Variants in ADAMTS5 observed in about 807,000 individuals in gnomAD.
ADAMTS5 encodes ADAM metallopeptidase with thrombospondin type 1 motif 5, also known as A disintegrin and metalloproteinase with thrombospondin motifs 5.
Under a neutral mutation model 81.4 loss-of-function variants are expected in ADAMTS5, and 54 were observed. The ratio of observed to expected loss-of-function variants is 0.66; its 90% CI spans 0.53 to 0.83. The LOEUF (loss-of-function observed/expected upper bound fraction) is 0.83. ADAMTS5 is among the 40% of genes least tolerant of loss of function. ADAMTS5 has a pLI of 0.00. For missense variants in ADAMTS5, 1,194 were observed against 1,229.9 expected (o/e 0.97, Z 0.44); for synonymous variants, 532 against 508.8 (o/e 1.05, Z -0.61).
At chr21:26,941,499 G>C (rs1389541200) in intron 3 of ADAMTS5, among the ~76,000 whole-genome samples, 1 of 151,954 alleles carries the variant, frequency 6.6e-6, no homozygotes, top group Non-Finnish European at 1.5e-5. Context: ...TTACTGCATA[G>C]AAATTAAGAT....
rs767132424 is a variant in ADAMTS5 at position 26,932,000 on chromosome 21, T to C, written c.2049+4A>G. The stretch of plus-strand genomic sequence containing the variant: ...CTGCTTCTGGACAGTTGGTGTGTAG[T>C]TACCTTTGGAGAAAATACCACATAG... On this transcript the variant is annotated splice_donor_region_variant and intron_variant, in intron 6 of 7. Coordinates refer to ENST00000284987, the MANE Select transcript of ADAMTS5 (RefSeq NM_007038.5). 1 of 1,610,226 alleles carries C rather than the reference T, an allele frequency of 6.2e-7. No homozygotes were observed. The highest frequency in any genetic ancestry group is 8.5e-7 in the Non-Finnish European group (1 of 1,178,064).
chr21:26,934,408 C>G, intron 4 of ADAMTS5, 58 bp downstream of exon 4: 2 of 1,597,868 alleles, frequency 1.3e-6, no homozygotes, highest in Non-Finnish European at 1.7e-6. Context: ...ATACCCATCA[C>G]AAGAATGCAC....
intron 5 of ADAMTS5, 93 bp from the exon 6 acceptor site, chr21:26,932,272 G>A: frequency 7.3e-7 from 1 of 1,377,298 alleles, no homozygotes. Flanking sequence ...AGGGGAAGAT[G>A]CAAACGTGTT....
intron 3 of ADAMTS5, among the ~76,000 whole-genome samples, chr21:26,940,089 A>G (rs1353677093): frequency 6.6e-6 from 1 of 152,238 alleles, no homozygotes; most frequent in Non-Finnish European, 1.5e-5. Context: ...GACGAGTGCT[A>G]CAAATGTCCA....
At position 26,924,182 on chromosome 21, in the gene ADAMTS5, A is replaced by C. The variant is rs55716702; in HGVS notation, c.2664T>G (p.Ser888=). Residue 888 remains serine (S), a synonymous_variant, in exon 8 of 8, where the codon TCT becomes TCG. Transcript: ENST00000284987. ...TGTGCCAACCTGTGTCACAGGTCCT[A>C]GAGCAGGCGAGCCATGGGCCCGTGA... ...QWVTGPWLAC[S]RTCDTGWHTR... 267 of 1,614,106 alleles carry C rather than the reference A, an allele frequency of 1.7e-4. 4 individuals are homozygous for C. In the East Asian group the frequency reaches 5.8e-3, roughly 35 times the overall value.
intron 3 of ADAMTS5, among the ~76,000 whole-genome samples, chr21:26,939,903 T>A (rs1987081817): frequency 6.6e-6 from 1 of 152,202 alleles, no homozygotes; most frequent in South Asian, 2.1e-4. Flanking sequence ...TGGCCAAGGT[T>A]GGGAGGAGGG....
chr21:26,949,471 A>G (rs1342450185), intron 2 of ADAMTS5, among the ~76,000 whole-genome samples: 1 of 151,984 alleles, frequency 6.6e-6, no homozygotes, highest in Admixed American at 6.6e-5. Flanking sequence ...GAGCCACCAC[A>G]CCAGCCAACA....
intron 7 of ADAMTS5, among the ~76,000 whole-genome samples, chr21:26,924,913 A>G (rs1986779549): frequency 6.6e-6 from 1 of 152,156 alleles, no homozygotes; most frequent in South Asian, 2.1e-4. Flanking sequence ...GATTTATACA[A>G]CCATTTTCAT....
chr21:26,940,045 ACACT>A lies in ADAMTS5; in HGVS notation c.1405+3331_1405+3334del, dbSNP rs1461930078. Among the ~76,000 whole-genome samples, 20 of 152,348 alleles carry A rather than the reference ACACT, an allele frequency of 1.3e-4. No individual in the cohort carries two copies. The East Asian group carries it at 3.9e-3, about 29-fold the overall frequency. Reference sequence around the variant, plus strand: ...TTTCTTGTTGGAACTAAATCAGGAAACACTCAGTACTAATGAATTTACATTTGGC... The same window carrying A: ...TTTCTTGTTGGAACTAAATCAGGAAACAGTACTAATGAATTTACATTTGGC... On this transcript the variant is annotated intron_variant, in intron 3 of 7. Transcript: ENST00000284987.
At chr21:26,941,747 T>C (rs912117727) in intron 3 of ADAMTS5, among the ~76,000 whole-genome samples, 2 of 152,096 alleles carry the variant, frequency 1.3e-5, no homozygotes, top group East Asian at 1.9e-4. Flanking sequence ...GTTATTTTAT[T>C]TTCAGAAAAC....
In ADAMTS5 at chr21:26,932,018, C is replaced by A; in HGVS notation, c.2035G>T (p.Val679Leu). 1 of 1,613,122 alleles carries A rather than the reference C, an allele frequency of 6.2e-7. No homozygotes were observed. Among genetic ancestry groups the A allele is most frequent in the Non-Finnish European group, 8.5e-7 (1 of 1,179,528 alleles). The part of the protein sequence containing the change: ...CRAKGTGYYV[V>L]FSPKVTDGTE... ...TGTGTAGTTACCTTTGGAGAAAATA[C>A]CACATAGTAGCCAGTGCCCTTGGCT... The change falls in exon 6 of 8, where the codon GTA becomes TTA. Residue 679 changes from valine (V) to leucine (L), a missense_variant. Physicochemically the swap from Val to Leu is conservative, Grantham distance 32. Transcript: ENST00000284987.
At chr21:26,950,079 A>G (rs143104895) in intron 2 of ADAMTS5, among the ~76,000 whole-genome samples, 215 of 152,312 alleles carry the variant, frequency 1.4e-3, no homozygotes, top group Non-Finnish European at 2.3e-3. Flanking sequence ...TCAGCTGAAT[A>G]TTTGGTCTTG....
chr21:26,966,712 C>T lies in ADAMTS5; in HGVS notation c.-321G>A, dbSNP rs912076328. Among the ~76,000 whole-genome samples, 5 of 136,656 alleles carry T rather than the reference C, an allele frequency of 3.7e-5. No individual in the cohort carries two copies. Among genetic ancestry groups the T allele is most frequent in the Non-Finnish European group, 7.9e-5 (5 of 63,190 alleles). 89.7% of individuals were successfully genotyped at this position (136,656 alleles called of 152,430 possible). On this transcript the variant is annotated 5_prime_UTR_variant, in exon 1 of 8. Coordinates refer to ENST00000284987, the MANE Select transcript of ADAMTS5 (RefSeq NM_007038.5). ...AGCAAATACGGGAAAAGGAAAAAAA[C>T]AAAAACCAAAAAACCACCAAATGCA...
rs377428656 is a variant in ADAMTS5, at chr21:26,965,630, C to A, written c.762G>T (p.Thr254=). Reference sequence around the variant, plus strand: ...TGGAGCGGCGCCGCCGCCGCCACCACGTCTGCGGTCCTGAGCCCCCAGCGG... The same window carrying A: ...TGGAGCGGCGCCGCCGCCGCCACCAAGTCTGCGGTCCTGAGCCCCCAGCGG... ...LSPAGGSGPQ[T]WWRRRRRSIS... Residue 254 remains threonine, a synonymous_variant, in exon 1 of 8, where the codon ACG becomes ACT. Transcript: ENST00000284987. 3.1e-6 allele frequency: 5 copies of A among 1,597,096 alleles called. No homozygotes were observed. The highest frequency in any genetic ancestry group is 1.7e-5 in the Admixed American group (1 of 58,752).
chr21:26,925,312 A>G (rs751414249), intron 7 of ADAMTS5, among the ~76,000 whole-genome samples: 6 of 152,172 alleles, frequency 3.9e-5, no homozygotes, highest in Non-Finnish European at 8.8e-5. Context: ...GAAGCATGCA[A>G]TTCTGAAATT....
chr21:26,948,401 T>C (rs1987255654), intron 2 of ADAMTS5, among the ~76,000 whole-genome samples: 1 of 152,228 alleles, frequency 6.6e-6, no homozygotes, highest in South Asian at 2.1e-4. Flanking sequence ...CTCTGTAATG[T>C]GTTTACTCGG....
Position 26,918,400 on chromosome 21 carries a change from C to G in ADAMTS5, c.*5653G>C, listed in dbSNP as rs1452384157. 2 of 152,294 alleles carry G rather than the reference C, an allele frequency of 1.3e-5. No homozygotes were observed. The highest frequency in any genetic ancestry group is 2.9e-5 in the Non-Finnish European group (2 of 67,924). 9.4% of individuals were successfully genotyped at this position (152,294 alleles called of 1,614,324 possible). Reference sequence around the variant, plus strand: ...TATTACTTGACTTTACTCACAGACTCTAATATAGAAACCAAATATTTATGC... The same window carrying G: ...TATTACTTGACTTTACTCACAGACTGTAATATAGAAACCAAATATTTATGC... On this transcript the variant is annotated 3_prime_UTR_variant, in exon 8 of 8. Transcript: ENST00000284987.
At chr21:26,963,073 A>G (rs961857430) in intron 1 of ADAMTS5, among the ~76,000 whole-genome samples, 3 of 152,002 alleles carry the variant, frequency 2.0e-5, no homozygotes, top group African/African-American at 4.8e-5. Context: ...AGGGCCAACC[A>G]CAAATGAAAT....
chr21:26,952,504 C>A (rs1306729356), intron 2 of ADAMTS5, among the ~76,000 whole-genome samples: 6 of 152,176 alleles, frequency 3.9e-5, no homozygotes, highest in Non-Finnish European at 8.8e-5. Context: ...CTTCAATCCT[C>A]CCTAGTTAAC....
Sources: allele counts gnomAD v4.1 joint callset (sites outside exome capture counted in the v4.1 genomes callset), GRCh38; gene constraint gnomAD v4.1.1; transcripts MANE v1.5; gene names NCBI Gene and HGNC (gene_info 2026-07-23, HGNC 2026-07-21).